TBCK: variants seen among roughly 807,000 people sequenced by gnomAD.
TBCK encodes TBC1 domain containing kinase.
TBCK carries 99 observed loss-of-function variants against 113.4 expected under a neutral mutation model. The observed-to-expected ratio is 0.87, with a 90% CI of 0.74 to 1.03. The LOEUF (loss-of-function observed/expected upper bound fraction) is 1.03, where lower values mean the gene tolerates loss of function less well. TBCK is among the 50% of genes least tolerant of loss of function. TBCK has a pLI of 0.00. For missense variants in TBCK, 1,045 were observed against 1,061.3 expected (o/e 0.98, Z 0.21); for synonymous variants, 369 against 370.8 (o/e 1.00, Z 0.05).
At chr4:106,175,683 CT>C (rs1451997192) in intron 22 of TBCK, among the ~76,000 whole-genome samples, 1 of 152,028 alleles carries the variant, frequency 6.6e-6, no homozygotes, top group Non-Finnish European at 1.5e-5. Context: ...AAAATGGTCA[CT>C]TTTGTAAAAT....
intron 24 of TBCK, among the ~76,000 whole-genome samples, chr4:106,111,525 A>C (rs1478189404): frequency 6.6e-6 from 1 of 152,242 alleles, no homozygotes; most frequent in African/African-American, 2.4e-5. Flanking sequence ...TCCTCAAGGA[A>C]TGCTGAACAG....
intron 2 of TBCK, among the ~76,000 whole-genome samples, chr4:106,298,170 C>A (rs1351927233): frequency 5.3e-5 from 8 of 152,216 alleles, no homozygotes; most frequent in African/African-American, 1.9e-4. Context: ...CCAGCATCAT[C>A]AGTAACTCCA....
chr4:106,183,967 T>C (rs771510076), intron 22 of TBCK, among the ~76,000 whole-genome samples: 1 of 152,020 alleles, frequency 6.6e-6, no homozygotes, highest in Non-Finnish European at 1.5e-5. Context: ...CTAGCAGGTA[T>C]TGAGGAAAAA....
At chr4:106,259,453 G>C (rs528817103) in intron 5 of TBCK, among the ~76,000 whole-genome samples, 3 of 151,898 alleles carry the variant, frequency 2.0e-5, no homozygotes, top group Non-Finnish European at 4.4e-5. Context: ...CTCTAGGTTA[G>C]ATAATAATAC....
At position 106,306,205 on chromosome 4, in the gene TBCK, G is replaced by A. The variant is rs1242891193; in HGVS notation, c.193+2563C>T. Among the ~76,000 whole-genome samples the A allele has an allele frequency of 2.0e-5, 3 of 149,540 alleles. No homozygotes were observed. In the East Asian group the frequency reaches 5.9e-4, roughly 29 times the overall value. On this transcript the variant is annotated intron_variant, in intron 2 of 25. Transcript: ENST00000394708. ...CTGCCTCAGCCTCCTGAATAGCTAGGACTACAGGAACAAGACACCATGCCT... is the reference window on the plus strand; with the variant it reads ...CTGCCTCAGCCTCCTGAATAGCTAGAACTACAGGAACAAGACACCATGCCT...
chr4:106,086,389 T>C (rs988251886), intron 25 of TBCK, among the ~76,000 whole-genome samples: 9 of 152,120 alleles, frequency 5.9e-5, no homozygotes, highest in East Asian at 1.9e-4. Context: ...CAGGAAGAAG[T>C]TGAATCCCTG....
chr4:106,212,986 T>A (rs1756345009), intron 19 of TBCK, 151 bp from the exon 20 acceptor site: 1 of 578,602 alleles, frequency 1.7e-6, no homozygotes, highest in African/African-American at 1.9e-5. Context: ...CTATTTTAAT[T>A]ACTTACTGCT....
intron 23 of TBCK, among the ~76,000 whole-genome samples, chr4:106,120,289 A>T (rs1447434718): frequency 6.6e-6 from 1 of 152,090 alleles, no homozygotes; most frequent in Non-Finnish European, 1.5e-5. Context: ...ACGAGATTAT[A>T]TCCCGCACCT....
Position 106,260,467 on chromosome 4 carries a change from G to T in TBCK, c.425C>A (p.Ala142Asp). 1 of 1,400,214 alleles carries T rather than the reference G, an allele frequency of 7.1e-7. No homozygotes were observed. The highest frequency in any genetic ancestry group is 9.5e-7 in the Non-Finnish European group (1 of 1,056,746). 86.7% of individuals were successfully genotyped at this position (1,400,214 alleles called of 1,614,324 possible). ...LAKFGLYHMT[A>D]HGDDVDFPIG... ...TGGGAAATCAACATCATCACCATGA[G>T]CTGTCATGTGATAAAGTCCAAATTT... Residue 142 changes from alanine (A) to aspartate (D), a missense_variant, in exon 5 of 26, where the codon GCT (alanine) becomes GAT (aspartate). Ala to Asp is a moderately radical substitution (Grantham distance 126). Transcript: ENST00000394708.
At chr4:106,310,780 A>G (rs1768117454) in intron 1 of TBCK, among the ~76,000 whole-genome samples, 1 of 152,230 alleles carries the variant, frequency 6.6e-6, no homozygotes, top group Non-Finnish European at 1.5e-5. Flanking sequence ...GAAAGACTAC[A>G]GTATCAAGGG....
intron 25 of TBCK, among the ~76,000 whole-genome samples, chr4:106,079,853 G>A (rs1738651091): frequency 6.6e-6 from 1 of 152,196 alleles, no homozygotes; most frequent in African/African-American, 2.4e-5. Flanking sequence ...GATGGAAGGT[G>A]AGGAGGAAGC....
At chr4:106,109,012 CACACAT>C (rs1383273896) in intron 24 of TBCK, among the ~76,000 whole-genome samples, 1 of 139,706 alleles carries the variant, frequency 7.2e-6, no homozygotes, top group South Asian at 2.4e-4. Context: ...ACAACTGACA[CACACAT>C]ACACACACAC....
chr4:106,172,545 C>A (rs181329663), intron 22 of TBCK, among the ~76,000 whole-genome samples: 2 of 152,206 alleles, frequency 1.3e-5, no homozygotes, highest in East Asian at 3.9e-4. Flanking sequence ...CTGTAAAAGT[C>A]CAAGTGTCGG....
At chr4:106,304,270 G>C (rs1405523818) in intron 2 of TBCK, among the ~76,000 whole-genome samples, 1 of 151,880 alleles carries the variant, frequency 6.6e-6, no homozygotes. Flanking sequence ...CACAAAAAAA[G>C]GTGGGGGACA....
chr4:106,240,039 C>G (rs1560888183), intron 12 of TBCK, among the ~76,000 whole-genome samples: 3 of 151,972 alleles, frequency 2.0e-5, no homozygotes, highest in Non-Finnish European at 4.4e-5. Flanking sequence ...AAATCATGAT[C>G]TGTTTGGGTT....
rs1343426626 is a variant in TBCK, at chr4:106,045,905, TAAAG to T, written c.*661_*664del. ...ACTGACTGTACAGACTTTCATGTGA[TAAAG>T]AAACTAGAAAATTTGTTTAAGCCAT... On this transcript the variant is annotated 3_prime_UTR_variant, in exon 26 of 26. Coordinates refer to ENST00000394708, the MANE Select transcript of TBCK (RefSeq NM_001163435.3). 1.3e-5 allele frequency: 2 copies of T among 152,242 alleles called. No homozygotes were observed. Among genetic ancestry groups the T allele is most frequent in the Non-Finnish European group, 2.9e-5 (2 of 68,062 alleles). The allele number at this position is 152,242 out of a possible 1,614,324, so 9.4% of individuals were successfully genotyped here.
At chr4:106,310,860 C>G (rs1351650377) in intron 1 of TBCK, among the ~76,000 whole-genome samples, 1 of 152,062 alleles carries the variant, frequency 6.6e-6, no homozygotes, top group Admixed American at 6.6e-5. Flanking sequence ...AAAAATAACA[C>G]AAAAACCAAC....
At chr4:106,295,265 T>C (rs1228702153) in intron 2 of TBCK, 99 bp from the exon 3 acceptor site, 1 of 921,396 alleles carries the variant, frequency 1.1e-6, no homozygotes, top group South Asian at 2.3e-5. Context: ...ATAACACCCA[T>C]AACAATATTT....
chr4:106,182,024 T>A (rs1752456715), intron 22 of TBCK, among the ~76,000 whole-genome samples: 1 of 152,206 alleles, frequency 6.6e-6, no homozygotes, highest in Non-Finnish European at 1.5e-5. Flanking sequence ...TCCATTGGTT[T>A]GTGTCCTTTC....
Sources: allele counts gnomAD v4.1 joint callset (sites outside exome capture counted in the v4.1 genomes callset), GRCh38; gene constraint gnomAD v4.1.1; transcripts MANE v1.5; gene names NCBI Gene and HGNC (gene_info 2026-07-23, HGNC 2026-07-21).